ALX4: variants seen among roughly 807,000 people sequenced by gnomAD.
ALX4 encodes the protein ALX homeobox 4.
ALX4 carries 22 observed loss-of-function variants against 40.6 expected under a neutral mutation model. That is an observed-to-expected ratio of 0.54 (90% CI 0.39 to 0.77). The LOEUF is 0.77. ALX4 is among the 30% of genes least tolerant of loss of function. The probability of loss-of-function intolerance (pLI) is 0.00; values close to 1 mark genes in which losing one functional copy is unlikely to be tolerated. For synonymous variants in ALX4, 266 were observed against 240.5 expected, an observed-to-expected ratio of 1.11 and a Z score of -0.98; for missense variants, 556 against 564.8, an observed-to-expected ratio of 0.98 and a Z score of 0.16.
chr11:44,264,870 A>G lies in ALX4; in HGVS notation c.1220T>C (p.Ile407Thr). 6.2e-7 allele frequency: 1 copy of G among 1,612,880 alleles called. No homozygotes were observed. The highest frequency in any genetic ancestry group is 8.5e-7 in the Non-Finnish European group (1 of 1,179,940). Residue 407 changes from isoleucine (I) to threonine (T), a missense_variant, in exon 4 of 4, where the codon ATT becomes ACT. Physicochemically the swap from Ile to Thr is moderately conservative, Grantham distance 89. Coordinates refer to ENST00000652299, the MANE Select transcript of ALX4 (RefSeq NM_021926.4). ...GGTGCCCTGTCATGTGGCCCAGGAA[A>G]TGGCCGCACTGTGCTCCTTGGCCTT... ...RMKAKEHSAA[I>T]SWAT
intron 1 of ALX4, among the ~76,000 whole-genome samples, chr11:44,307,877 TG>T (rs756346620): frequency 1.3e-5 from 2 of 151,778 alleles, no homozygotes; most frequent in Non-Finnish European, 2.9e-5. Flanking sequence ...TGTCCGTGTG[TG>T]GAGCTGTGGG....
At chr11:44,271,477 A>T (rs1309041097) in intron 2 of ALX4, among the ~76,000 whole-genome samples, 4 of 152,162 alleles carry the variant, frequency 2.6e-5, no homozygotes, top group African/African-American at 4.8e-5. Flanking sequence ...TGGTCCTCCC[A>T]CTAGGTGATA....
intron 1 of ALX4, among the ~76,000 whole-genome samples, chr11:44,297,156 G>T (rs1264604671): frequency 6.6e-6 from 1 of 152,084 alleles, no homozygotes; most frequent in Non-Finnish European, 1.5e-5. Context: ...TGATGAAAAA[G>T]TTCTGGAAAC....
Position 44,275,533 on chromosome 11 carries a change from G to A in ALX4, c.592C>T (p.Leu198Phe). 1.2e-6 allele frequency: 2 copies of A among 1,614,182 alleles called. No individual in the cohort carries two copies. The highest frequency in any genetic ancestry group is 1.7e-6 in the Non-Finnish European group (2 of 1,180,010). ...KGPQDRASSD[L>F]PSPLEKADSE... Reference sequence around the variant, plus strand: ...TCGGCCTTCTCCAATGGGCTGGGGAGGTCTGAGCTGGCCCGGTCCTGGGGC... The same window carrying A: ...TCGGCCTTCTCCAATGGGCTGGGGAAGTCTGAGCTGGCCCGGTCCTGGGGC... The change falls in exon 2 of 4, where the codon CTC (leucine) becomes TTC (phenylalanine). Residue 198 changes from leucine (L) to phenylalanine (F), a missense_variant. Leu to Phe is a conservative substitution (Grantham distance 22, BLOSUM62 0). Transcript: ENST00000652299.
At chr11:44,303,335 T>A (rs1956445773) in intron 1 of ALX4, among the ~76,000 whole-genome samples, 1 of 152,198 alleles carries the variant, frequency 6.6e-6, no homozygotes, top group South Asian at 2.1e-4. Flanking sequence ...GCGGCGCCAG[T>A]GCCCAGCAGC....
chr11:44,293,248 G>A (rs752584532), intron 1 of ALX4, among the ~76,000 whole-genome samples: 25 of 151,888 alleles, frequency 1.6e-4, no homozygotes, highest in Non-Finnish European at 3.7e-4. Context: ...CTGCTCATCT[G>A]AACAAAATAA....
At chr11:44,272,083 G>A (rs1001886213) in intron 2 of ALX4, among the ~76,000 whole-genome samples, 3 of 152,218 alleles carry the variant, frequency 2.0e-5, no homozygotes, top group Non-Finnish European at 2.9e-5. Context: ...AGGCATGTAA[G>A]GTCATGTGAG....
rs926598493 is a variant in ALX4, at chr11:44,261,776, C to A, written c.*3078G>T. The A allele has an allele frequency of 6.6e-6, 1 of 152,248 alleles. No individual in the cohort carries two copies. The highest frequency in any genetic ancestry group is 2.4e-5 in the African/African-American group (1 of 41,460). The allele number at this position is 152,248 out of a possible 1,614,324, so 9.4% of individuals were successfully genotyped here. ...TTTAAGTTGCCATCTCTGTTGAGAT[C>A]TTAGGCAGGTATCCAAAGGAAATCC... is the stretch of plus-strand genomic sequence containing the variant. On this transcript the variant is annotated 3_prime_UTR_variant, in exon 4 of 4. Coordinates refer to ENST00000652299, the MANE Select transcript of ALX4 (RefSeq NM_021926.4).
chr11:44,281,899 CT>C (rs1483068049), intron 1 of ALX4, among the ~76,000 whole-genome samples: 1 of 152,194 alleles, frequency 6.6e-6, no homozygotes, highest in African/African-American at 2.4e-5. Flanking sequence ...CCTCAAGGGG[CT>C]GCCAATCTTC....
chr11:44,286,364 G>C (rs1245862158), intron 1 of ALX4, among the ~76,000 whole-genome samples: 2 of 152,212 alleles, frequency 1.3e-5, no homozygotes, highest in Non-Finnish European at 2.9e-5. Flanking sequence ...GCACAGCCCT[G>C]TGGGAAGCCA....
At chr11:44,273,769 A>C (rs1168598603) in intron 2 of ALX4, among the ~76,000 whole-genome samples, 3 of 152,118 alleles carry the variant, frequency 2.0e-5, no homozygotes, top group African/African-American at 7.2e-5. Context: ...TGGACAACAA[A>C]GCAAGACCCC....
chr11:44,308,061 G>A (rs890214692), intron 1 of ALX4, among the ~76,000 whole-genome samples: 14 of 152,198 alleles, frequency 9.2e-5, no homozygotes, highest in Non-Finnish European at 1.8e-4. Context: ...TGGAGGAAGT[G>A]GGGAAGGGCC....
chr11:44,270,982 T>C (rs894005957), intron 2 of ALX4, among the ~76,000 whole-genome samples: 1 of 152,180 alleles, frequency 6.6e-6, no homozygotes, highest in African/African-American at 2.4e-5. Flanking sequence ...TGCAGCCCCC[T>C]GGAGCAGGGC....
chr11:44,281,709 A>G (rs1004502443), intron 1 of ALX4, among the ~76,000 whole-genome samples: 1 of 152,022 alleles, frequency 6.6e-6, no homozygotes, highest in South Asian at 2.1e-4. Flanking sequence ...AAGTTTAGCC[A>G]TTGATCACGT....
intron 1 of ALX4, among the ~76,000 whole-genome samples, chr11:44,295,260 A>T (rs1956396666): frequency 6.6e-6 from 1 of 152,198 alleles, no homozygotes; most frequent in Non-Finnish European, 1.5e-5. Flanking sequence ...AGGTCAACTA[A>T]TTTGCCCAAG....
chr11:44,306,714 C>G (rs746427078), intron 1 of ALX4, among the ~76,000 whole-genome samples: 3 of 152,222 alleles, frequency 2.0e-5, no homozygotes, highest in Non-Finnish European at 4.4e-5. Flanking sequence ...TATATACACT[C>G]TCACAACTGT....
At chr11:44,277,943 C>G (rs1956287195) in intron 1 of ALX4, among the ~76,000 whole-genome samples, 3 of 152,104 alleles carry the variant, frequency 2.0e-5, no homozygotes. Context: ...CTGCAGCTGG[C>G]AGCTGGGCCA....
At chr11:44,267,869 T>C (rs1194670162) in intron 2 of ALX4, among the ~76,000 whole-genome samples, 3 of 152,224 alleles carry the variant, frequency 2.0e-5, no homozygotes, top group Admixed American at 6.5e-5. Flanking sequence ...GCCAGAACTT[T>C]TATTTTTCTA....
intron 1 of ALX4, among the ~76,000 whole-genome samples, chr11:44,278,423 C>G (rs1474287127): frequency 1.3e-5 from 2 of 152,192 alleles, no homozygotes; most frequent in East Asian, 3.9e-4. Context: ...CCTCATATGA[C>G]CAAGGCGTCC....
Sources: gnomAD v4.1 joint callset for allele counts (sites outside exome capture counted in the v4.1 genomes callset) on GRCh38, gnomAD v4.1.1 for gene constraint, MANE v1.5 for transcripts, NCBI Gene and HGNC (gene_info 2026-07-23, HGNC 2026-07-21) for gene names.